CRY1: variants seen among roughly 807,000 people sequenced by gnomAD.
CRY1 encodes the protein cryptochrome circadian regulator 1, also known as cryptochrome-1.
A neutral mutation model predicts 76.0 loss-of-function variants in CRY1; 45 were observed. The ratio of observed to expected loss-of-function variants is 0.59; its 90% CI spans 0.47 to 0.76. CRY1 has a LOEUF of 0.76. CRY1 is among the 30% of genes least tolerant of loss of function. The pLI, the probability that CRY1 is intolerant of heterozygous loss-of-function variation, is 0.00. For synonymous variants in CRY1, 248 were observed against 244.0 expected (o/e 1.02, Z -0.15); for missense variants, 587 against 716.4 (o/e 0.82, Z 2.06).
chr12:107,050,446 T>G (rs1208308850), intron 1 of CRY1: 1 of 152,154 alleles, frequency 6.6e-6, no homozygotes, highest in Non-Finnish European at 1.5e-5. Context: ...TGCGTGAGTT[T>G]TCACTCTATT....
chr12:107,028,937 G>A (rs898872550), intron 1 of CRY1, among the ~76,000 whole-genome samples: 2 of 152,128 alleles, frequency 1.3e-5, no homozygotes, highest in African/African-American at 2.4e-5. Context: ...TATTAAAATT[G>A]TGTAAAAAAT....
chr12:107,066,716 G>A (rs564525622), intron 1 of CRY1, among the ~76,000 whole-genome samples: 36 of 149,920 alleles, frequency 2.4e-4, no homozygotes, highest in South Asian at 8.5e-4. Flanking sequence ...CACCCGCCTC[G>A]GCCTCCCAAA....
At chr12:107,007,974 T>C (rs1330736478) in intron 2 of CRY1, among the ~76,000 whole-genome samples, 1 of 152,252 alleles carries the variant, frequency 6.6e-6, no homozygotes, top group Non-Finnish European at 1.5e-5. Context: ...TCAGCCATAT[T>C]ATTAGCAAAG....
At chr12:107,060,673 A>G (rs1953035239) in intron 1 of CRY1, among the ~76,000 whole-genome samples, 1 of 152,202 alleles carries the variant, frequency 6.6e-6, no homozygotes, top group South Asian at 2.1e-4. Flanking sequence ...TCTGAAGAGA[A>G]ACTATGACCT....
chr12:106,999,277 A>C (rs1952273233), intron 7 of CRY1, among the ~76,000 whole-genome samples: 1 of 152,156 alleles, frequency 6.6e-6, no homozygotes, highest in Non-Finnish European at 1.5e-5. Flanking sequence ...CTATCAACAA[A>C]TTCAGTGTTA....
In CRY1 at chr12:107,045,381, C is replaced by T. The variant is rs116256181; in HGVS notation, c.159-23189G>A. On this transcript the variant is annotated intron_variant, in intron 1 of 12. Transcript: ENST00000008527. The stretch of plus-strand genomic sequence containing the variant: ...CTTACAAGAAATTCTCAAGGGCAGC[C>T]GGGTGCAGTGGCTCATGCTCGTAAT... Among the ~76,000 whole-genome samples the T allele has an allele frequency of 6.9e-3, 1,054 of 152,206 alleles. 18 individuals are homozygous for T. Among genetic ancestry groups the T allele is most frequent in the African/African-American group, 0.024 (1,010 of 41,524 alleles).
intron 1 of CRY1, among the ~76,000 whole-genome samples, chr12:107,075,968 G>A (rs1953247238): frequency 6.6e-6 from 1 of 152,102 alleles, no homozygotes; most frequent in Admixed American, 6.6e-5. Context: ...CATTTACTGT[G>A]ATATAGAGAA....
chr12:107,007,683 C>T (rs1952390637), intron 2 of CRY1, among the ~76,000 whole-genome samples: 1 of 151,980 alleles, frequency 6.6e-6, no homozygotes, highest in African/African-American at 2.4e-5. Context: ...GCATGCACCA[C>T]CATAACCAGC....
At chr12:107,041,568 T>A (rs899634478) in intron 1 of CRY1, among the ~76,000 whole-genome samples, 2 of 152,206 alleles carry the variant, frequency 1.3e-5, no homozygotes, top group African/African-American at 2.4e-5. Flanking sequence ...TACTATTCCA[T>A]GTGTATTTTT....
intron 2 of CRY1, among the ~76,000 whole-genome samples, chr12:107,014,796 C>T (rs752090381): frequency 4.6e-5 from 7 of 152,174 alleles, no homozygotes; most frequent in Non-Finnish European, 7.3e-5. Context: ...TACCAAAATT[C>T]ACAAATGCTC....
intron 1 of CRY1, among the ~76,000 whole-genome samples, chr12:107,081,237 C>A (rs1214417046): frequency 6.6e-6 from 1 of 151,968 alleles, no homozygotes; most frequent in Non-Finnish European, 1.5e-5. Flanking sequence ...TAAAACAAAT[C>A]TGTTCATTGA....
intron 1 of CRY1, among the ~76,000 whole-genome samples, chr12:107,071,332 T>C (rs1284820459): frequency 6.6e-6 from 1 of 152,190 alleles, no homozygotes; most frequent in African/African-American, 2.4e-5. Context: ...ATTTTCAGCA[T>C]CTATGGAAGT....
chr12:107,080,019 TA>T (rs1207572155), intron 1 of CRY1, among the ~76,000 whole-genome samples: 2 of 152,110 alleles, frequency 1.3e-5, no homozygotes, highest in African/African-American at 4.8e-5. Flanking sequence ...TGATATGGGC[TA>T]AAGAGACAAT....
intron 1 of CRY1, among the ~76,000 whole-genome samples, chr12:107,076,528 C>T (rs919283149): frequency 4.6e-5 from 7 of 151,156 alleles, no homozygotes; most frequent in Admixed American, 4.6e-4. Flanking sequence ...GCAAGAGAAT[C>T]ACCTTGAACC....
intron 1 of CRY1, among the ~76,000 whole-genome samples, chr12:107,057,694 G>C (rs1952999485): frequency 6.6e-6 from 1 of 152,068 alleles, no homozygotes; most frequent in South Asian, 2.1e-4. Flanking sequence ...TCATGCCACT[G>C]TACTCCAGCC....
At chr12:107,072,722 T>G (rs1027101632) in intron 1 of CRY1, among the ~76,000 whole-genome samples, 4 of 152,352 alleles carry the variant, frequency 2.6e-5, no homozygotes, top group African/African-American at 9.6e-5. Context: ...TGTGCATATA[T>G]GCACATTTAT....
chr12:107,081,531 T>TC (rs942969229), intron 1 of CRY1, among the ~76,000 whole-genome samples: 1 of 151,954 alleles, frequency 6.6e-6, no homozygotes, highest in South Asian at 2.1e-4. Context: ...CTGTCCGTTT[T>TC]CCCCCCACTG....
At chr12:106,995,960 C>T (rs1952229768) in intron 10 of CRY1, among the ~76,000 whole-genome samples, 1 of 152,222 alleles carries the variant, frequency 6.6e-6, no homozygotes, top group South Asian at 2.1e-4. Context: ...TCTCCTGCCT[C>T]AGCCTCCCAA....
At position 107,093,201 on chromosome 12, in the gene CRY1, G is replaced by A; in HGVS notation, c.-240C>T. The A allele has an allele frequency of 8.7e-6, 4 of 461,868 alleles. No homozygotes were observed. In the South Asian group the frequency reaches 1.9e-4, roughly 21 times the overall value. 28.6% of individuals were successfully genotyped at this position (461,868 alleles called of 1,614,324 possible). On this transcript the variant is annotated 5_prime_UTR_variant, in exon 1 of 13. Coordinates refer to ENST00000008527, the MANE Select transcript of CRY1 (RefSeq NM_004075.5). ...GGAGTCCGGGTGTGACGCCCTTTAG[G>A]AGCCCGCGCCCGCCGCAACCGCCTG... is the stretch of plus-strand genomic sequence containing the variant.
Sources: gnomAD v4.1 joint callset for allele counts (sites outside exome capture counted in the v4.1 genomes callset) on GRCh38, gnomAD v4.1.1 for gene constraint, MANE v1.5 for transcripts, NCBI Gene and HGNC (gene_info 2026-07-23, HGNC 2026-07-21) for gene names.